The following CCDC22 variants were observed in gnomAD, a reference collection of about 807,000 sequenced individuals.
CCDC22 encodes the protein coiled-coil domain-containing protein 22.
A neutral mutation model predicts 53.1 loss-of-function variants in CCDC22; 4 were observed. The ratio of observed to expected loss-of-function variants is 0.08; its 90% confidence interval spans 0.04 to 0.17. The LOEUF (loss-of-function observed/expected upper bound fraction) is 0.17. CCDC22 is among the 10% of genes least tolerant of loss of function. The probability of loss-of-function intolerance (pLI) is 1.00; values close to 1 mark genes in which losing one functional copy is unlikely to be tolerated. For missense variants in CCDC22, 458 were observed against 554.0 expected (o/e 0.83, Z 1.74); for synonymous variants, 222 against 224.4 (o/e 0.99, Z 0.10).
At chrX:49,235,771 C>G in intron 1 of CCDC22, 85 bp downstream of exon 1, 1 of 843,281 alleles carries the variant, frequency 1.2e-6, no homozygotes, top group Non-Finnish European at 1.7e-6. Flanking sequence ...ACCTTAAAAC[C>G]CGGGATCCTG....
intron 1 of CCDC22, among the ~76,000 whole-genome samples, 163 bp downstream of exon 1, chrX:49,235,849 A>G (rs1044533790): frequency 1.1e-5 from 1 of 90,456 alleles, no homozygotes; most frequent in Non-Finnish European, 2.4e-5. Flanking sequence ...ACACACACAC[A>G]CACACACACA....
Position 49,248,448 on chromosome X carries a change from G to C in CCDC22, c.1254G>C (p.Ala418=), listed in dbSNP as rs782796542. ...ENSAQRVIHL[A]GQWEKHRVPL... is the part of the protein sequence containing the mutation. ...GTGCCCAGCGGGTCATCCACTTGGC[G>C]GGTCAGTGGGAGAAGCACCGGGTCC... The change falls in exon 11 of 17, where the codon GCG becomes GCC. Residue 418 remains alanine (A), a synonymous_variant. Transcript: ENST00000376227. The C allele has an allele frequency of 8.3e-7, 1 of 1,208,694 alleles. No homozygotes were observed. Among genetic ancestry groups the C allele is most frequent in the East Asian group, 3.0e-5 (1 of 33,711 alleles).
At position 49,248,174 on chromosome X, in the gene CCDC22, G is replaced by C; in HGVS notation, c.1093-17G>C. On this transcript the variant is annotated splice_polypyrimidine_tract_variant and intron_variant, in intron 9 of 16. Transcript: ENST00000376227. ...TCCATGGGGGCTGTGGCATGTGACT[G>C]GGTATCCACCGGCCAGGCAGAGTCT... 2 of 1,200,502 alleles carry C rather than the reference G, an allele frequency of 1.7e-6. No individual in the cohort carries two copies. The highest frequency in any genetic ancestry group is 1.7e-5 in the African/African-American group (1 of 57,789).
intron 9 of CCDC22, 114 bp downstream of exon 9, chrX:49,247,882 GT>G: frequency 1.0e-6 from 1 of 953,916 alleles, no homozygotes; most frequent in Non-Finnish European, 1.4e-6. Context: ...TGGCAGAAGG[GT>G]TCCTGGGAGC....
At chrX:49,242,582 C>T (rs1175055506) in intron 3 of CCDC22, among the ~76,000 whole-genome samples, 2 of 111,553 alleles carry the variant, frequency 1.8e-5, no homozygotes, top group Admixed American at 1.9e-4. Flanking sequence ...TCCTGATCCC[C>T]ACCTGGCTGC....
rs3220946 is a variant in CCDC22 at position 49,235,851 on chromosome X, A to ACACACACACACACG, written c.50+177_50+190dup. Among the ~76,000 whole-genome samples, 136 of 100,433 alleles carry ACACACACACACACG rather than the reference A, an allele frequency of 1.4e-3. 1 individual carries two copies. Among genetic ancestry groups the ACACACACACACACG allele is most frequent in the Non-Finnish European group, 1.8e-3 (86 of 48,922 alleles). The allele number at this position is 100,433 out of a possible 115,157, so 87.2% of individuals were successfully genotyped here. A position where few individuals can be genotyped will look rare whatever the true frequency, so the allele number is the denominator to read the frequency against. On this transcript the variant is annotated intron_variant, in intron 1 of 16. Transcript: ENST00000376227. ...TACACACACACACACACACACACAC[A>ACACACACACACACG]CACACACACACACGCACACACACAC... is the stretch of plus-strand genomic sequence containing the variant.
chrX:49,238,113 A>G, intron 2 of CCDC22, among the ~76,000 whole-genome samples: 1 of 83,750 alleles, frequency 1.2e-5, no homozygotes, highest in African/African-American at 4.9e-5. Flanking sequence ...TCTCTCTGTC[A>G]CCCAAGCTGG....
chrX:49,248,567 C>G (rs181660710), intron 11 of CCDC22, 44 bp downstream of exon 11: 1 of 1,193,002 alleles, frequency 8.4e-7, no homozygotes, highest in Admixed American at 2.2e-5. Context: ...AGGGCAGGCT[C>G]GGTCCCTCTC....
intron 2 of CCDC22, among the ~76,000 whole-genome samples, chrX:49,237,502 C>G (rs2065943446): frequency 8.9e-6 from 1 of 111,912 alleles, no homozygotes; most frequent in African/African-American, 3.3e-5. Flanking sequence ...CTGTGTGACC[C>G]TAACCCTTCT....
At position 49,242,049 on chromosome X, in the gene CCDC22, A is replaced by C. The variant is rs1557113423; in HGVS notation, c.262A>C (p.Asn88His). 2 of 1,210,203 alleles carry C rather than the reference A, an allele frequency of 1.7e-6. No individual in the cohort carries two copies. Among genetic ancestry groups the C allele is most frequent in the Admixed American group, 4.4e-5 (2 of 45,924 alleles). Reference sequence around the variant, plus strand: ...CTATCCCTTGGAGCTTGGCTATCAGAACTTCCTCTACCCCAGTGAGCCTGA... The same window carrying C: ...CTATCCCTTGGAGCTTGGCTATCAGCACTTCCTCTACCCCAGTGAGCCTGA... The part of the protein sequence containing the change: ...LGYPLELGYQ[N>H]FLYPSEPDLR... Residue 88 changes from asparagine (N) to histidine (H), a missense_variant, in exon 3 of 17, where the codon AAC becomes CAC. By Grantham distance (68) the Asn-to-His change is moderately conservative. Transcript: ENST00000376227.
intron 14 of CCDC22, 32 bp from the exon 15 acceptor site, chrX:49,249,476 AC>A (rs1248606630): frequency 2.5e-6 from 3 of 1,190,259 alleles, no homozygotes; most frequent in Non-Finnish European, 3.4e-6. Context: ...AGGGCAGCCC[AC>A]TGATACCTTT....
chrX:49,250,317 G>A lies in CCDC22; in HGVS notation c.*56G>A. 1.5e-6 allele frequency: 1 copy of A among 669,775 alleles called. No homozygotes were observed. Among genetic ancestry groups the A allele is most frequent in the African/African-American group, 2.1e-5 (1 of 46,860 alleles). 55.2% of individuals were successfully genotyped at this position (669,775 alleles called of 1,213,427 possible). A position where few individuals can be genotyped will look rare whatever the true frequency, so the allele number is the denominator to read the frequency against. On this transcript the variant is annotated 3_prime_UTR_variant, in exon 17 of 17. Transcript: ENST00000376227. ...TCAGGCAGGGATTTGGGGTGCTGGA[G>A]GCAGTGGCCAAGCACATGCCCTAGC...
At chrX:49,241,590 T>C (rs1348909554) in intron 2 of CCDC22, among the ~76,000 whole-genome samples, 1 of 111,058 alleles carries the variant, frequency 9.0e-6, no homozygotes, top group Non-Finnish European at 1.9e-5. Flanking sequence ...TGAGCTATTG[T>C]GCTTCTGGTC....
At chrX:49,247,617 C>T (rs782262129) in intron 8 of CCDC22, 32 bp from the exon 9 acceptor site, 49 of 1,183,699 alleles carry the variant, frequency 4.1e-5, no homozygotes, top group Non-Finnish European at 5.2e-5. Flanking sequence ...CTGGGCCTGA[C>T]ACCCCAACCC....
chrX:49,237,338 C>G, intron 2 of CCDC22, 75 bp downstream of exon 2: 1 of 936,862 alleles, frequency 1.1e-6, no homozygotes, highest in Non-Finnish European at 1.5e-6. Context: ...CTTTGCAACA[C>G]TTGCCTTTCC....
In CCDC22 at chrX:49,242,927, C is replaced by T. The variant is rs1557113578; in HGVS notation, c.403C>T (p.Arg135Trp). 6.8e-6 allele frequency: 8 copies of T among 1,170,080 alleles called. No homozygotes were observed. In the South Asian group the frequency reaches 9.9e-5, roughly 14 times the overall value. Residue 135 changes from arginine to tryptophan, a missense_variant, in exon 4 of 17, where the codon CGG becomes TGG. Around this residue, in one of 4 missense-constraint regions of CCDC22, gnomAD observed 309 missense variants for 312.3 expected, o/e 0.99. Coordinates refer to ENST00000376227, the MANE Select transcript of CCDC22 (RefSeq NM_014008.5). ...CCTCCGGGCCATTGGGAGCCAAATT[C>T]GGGACCAGCTGGCACTGCCTTGGGT... ...ILLRAIGSQIRDQLALPWVPP... is the reference protein window; with the variant it reads ...ILLRAIGSQIWDQLALPWVPP...
In CCDC22 at chrX:49,247,649, G is replaced by C. The variant is rs782036247; in HGVS notation, c.973G>C (p.Val325Leu). 1.7e-6 allele frequency: 2 copies of C among 1,191,215 alleles called. No homozygotes were observed. Among genetic ancestry groups the C allele is most frequent in the Non-Finnish European group, 2.3e-6 (2 of 885,519 alleles). The change falls in exon 9 of 17, where the codon GTC (valine) becomes CTC (leucine). Residue 325 changes from valine (V) to leucine (L), a missense_variant and splice_region_variant. Around this residue, in one of 4 missense-constraint regions of CCDC22, gnomAD observed 309 missense variants for 312.3 expected, o/e 0.99. Transcript: ENST00000376227. Reference sequence around the variant, plus strand: ...ACCCTGACTGGCCTGGGCCTCCCAGGTCACGTGGGCAGCTCAGGAACAGGA... The same window carrying C: ...ACCCTGACTGGCCTGGGCCTCCCAGCTCACGTGGGCAGCTCAGGAACAGGA... Reference protein sequence around the residue: ...VPATSRRPEQVTWAAQEQELE... With the variant: ...VPATSRRPEQLTWAAQEQELE...
At chrX:49,248,990 A>C (rs2066008002) in intron 13 of CCDC22, 66 bp downstream of exon 13, 1 of 1,171,312 alleles carries the variant, frequency 8.5e-7, no homozygotes, top group African/African-American at 1.8e-5. Flanking sequence ...CCGCACAGGG[A>C]CCTCACACCC....
At position 49,248,935 on chromosome X, in the gene CCDC22, A is replaced by C. The variant is rs782242967; in HGVS notation, c.1539+11A>C. On this transcript the variant is annotated intron_variant, in intron 13 of 16. Coordinates refer to ENST00000376227, the MANE Select transcript of CCDC22 (RefSeq NM_014008.5). ...GAAGAGATCACCAAGGTACACTGCC[A>C]GGGCCATGGAGGGTGGGTCATGTGG... 1 of 1,203,557 alleles carries C rather than the reference A, an allele frequency of 8.3e-7. No homozygotes were observed. The highest frequency in any genetic ancestry group is 1.1e-6 in the Non-Finnish European group (1 of 891,477).
Sources: allele counts gnomAD v4.1 joint callset (sites outside exome capture counted in the v4.1 genomes callset), GRCh38; gene constraint gnomAD v4.1.1; regional missense constraint gnomAD v4.1.1; transcripts MANE v1.5; gene names NCBI Gene and HGNC (gene_info 2026-07-23, HGNC 2026-07-21).